Variants in ADGRL4 observed in about 807,000 individuals in gnomAD.
The protein encoded by ADGRL4 is adhesion G protein-coupled receptor L4, also known as EGF, latrophilin and seven transmembrane domain containing 1.
Under a neutral mutation model 74.8 loss-of-function variants are expected in ADGRL4, and 90 were observed. That is an observed-to-expected ratio of 1.20 (90% CI 1.02 to 1.43). The LOEUF (loss-of-function observed/expected upper bound fraction) is 1.43. Among genes scored for constraint, ADGRL4 ranks in the 40% most tolerant of loss-of-function variants. The pLI, the probability that ADGRL4 is intolerant of heterozygous loss-of-function variation, is 0.00. For synonymous variants in ADGRL4, 311 were observed against 279.2 expected, an observed-to-expected ratio of 1.11 and a Z score of -1.14; for missense variants, 881 against 814.3, an observed-to-expected ratio of 1.08 and a Z score of -1.00.
chr1:78,977,121 C>G (rs993635357), intron 2 of ADGRL4, among the ~76,000 whole-genome samples: 7 of 151,128 alleles, frequency 4.6e-5, no homozygotes, highest in African/African-American at 1.7e-4. Flanking sequence ...ATGCTTACAC[C>G]CTTGAGATAA....
intron 1 of ADGRL4, among the ~76,000 whole-genome samples, chr1:79,005,614 C>A (rs1236614720): frequency 2.0e-5 from 3 of 152,126 alleles, no homozygotes; most frequent in Non-Finnish European, 4.4e-5. Context: ...TGGGAGTAAT[C>A]CTGTGTAGAA....
chr1:78,934,974 A>T (rs1324882534), intron 7 of ADGRL4, among the ~76,000 whole-genome samples: 6 of 152,230 alleles, frequency 3.9e-5, no homozygotes, highest in Admixed American at 3.9e-4. Context: ...AATTAGTTCA[A>T]CCATTGTGGA....
At chr1:78,981,716 G>A (rs1265184409) in intron 2 of ADGRL4, among the ~76,000 whole-genome samples, 3 of 151,382 alleles carry the variant, frequency 2.0e-5, no homozygotes, top group African/African-American at 7.3e-5. Context: ...TTTATGTCTT[G>A]GTTTACCCCA....
At chr1:78,972,096 T>C (rs894084376) in intron 2 of ADGRL4, among the ~76,000 whole-genome samples, 1 of 152,198 alleles carries the variant, frequency 6.6e-6, no homozygotes, top group Non-Finnish European at 1.5e-5. Flanking sequence ...TATCCTAAAG[T>C]AGCACATGTA....
At chr1:78,929,859 A>T (rs571433403) in intron 7 of ADGRL4, among the ~76,000 whole-genome samples, 2 of 151,684 alleles carry the variant, frequency 1.3e-5, no homozygotes, top group East Asian at 1.9e-4. Context: ...TGACAATTTC[A>T]TCATCTGTCA....
At chr1:79,005,864 A>G (rs1461265603) in intron 1 of ADGRL4, among the ~76,000 whole-genome samples, 2 of 152,214 alleles carry the variant, frequency 1.3e-5, no homozygotes, top group Non-Finnish European at 2.9e-5. Flanking sequence ...CAAAAACAAA[A>G]AAAGAAACTC....
chr1:78,965,083 A>G (rs953149325), intron 2 of ADGRL4, among the ~76,000 whole-genome samples: 1 of 152,154 alleles, frequency 6.6e-6, no homozygotes, highest in African/African-American at 2.4e-5. Flanking sequence ...ACAGAAATGT[A>G]CCAAATTCAA....
chr1:79,005,834 G>A (rs890919652), intron 1 of ADGRL4, among the ~76,000 whole-genome samples: 10 of 151,346 alleles, frequency 6.6e-5, no homozygotes, highest in Non-Finnish European at 1.2e-4. Context: ...TTTTCCATTA[G>A]GGGAAATTTA....
chr1:78,947,607 G>A (rs1649630373), intron 2 of ADGRL4, among the ~76,000 whole-genome samples: 1 of 152,020 alleles, frequency 6.6e-6, no homozygotes, highest in Admixed American at 6.6e-5. Flanking sequence ...TTTTTTTATG[G>A]CAGCCCTAGA....
chr1:78,995,040 A>T (rs145534342), intron 2 of ADGRL4, among the ~76,000 whole-genome samples: 9 of 152,312 alleles, frequency 5.9e-5, no homozygotes, highest in African/African-American at 1.9e-4. Context: ...GTAATTATAA[A>T]ATCACATGAA....
In ADGRL4 at chr1:78,920,183, C is replaced by T. The variant is rs765084151; in HGVS notation, c.1461G>A (p.Lys487=). ...FLVGINTNTN[K]LFCSIIAGLL... is the part of the protein sequence containing the mutation. ...AATAGAGATTAGGATGCCTACATACCTTATTAGTATTTGTATTGATCCCAA... is the reference window on the plus strand; with the variant it reads ...AATAGAGATTAGGATGCCTACATACTTTATTAGTATTTGTATTGATCCCAA... The change falls in exon 10 of 15, where the codon AAG becomes AAA. Residue 487 remains lysine, a splice_region_variant and synonymous_variant. Transcript: ENST00000370742. 1.9e-6 allele frequency: 3 copies of T among 1,607,908 alleles called. No individual in the cohort carries two copies. Among genetic ancestry groups the T allele is most frequent in the Non-Finnish European group, 1.7e-6 (2 of 1,176,330 alleles).
chr1:78,920,312 T>C lies in ADGRL4; in HGVS notation c.1332A>G (p.Ile444Met). 6.2e-7 allele frequency: 1 copy of C among 1,611,044 alleles called. No individual in the cohort carries two copies. The highest frequency in any genetic ancestry group is 1.3e-5 in the African/African-American group (1 of 74,874). Residue 444 changes from isoleucine (I) to methionine (M), a missense_variant, in exon 10 of 15, where the codon ATA becomes ATG. By Grantham distance (10) the Ile-to-Met change is conservative. Transcript: ENST00000370742. ...TGAAGAACCAGAAGGTAAAAATGCA[T>C]ATGGCAAGACAAATCAGTGAAATAA... The part of the protein sequence containing the change: ...GIIISLICLA[I>M]CIFTFWFFSE...
At chr1:78,966,916 T>TTA (rs796953902) in intron 2 of ADGRL4, among the ~76,000 whole-genome samples, 2 of 146,318 alleles carry the variant, frequency 1.4e-5, no homozygotes, top group African/African-American at 5.0e-5. Context: ...CTAGGAATGA[T>TTA]AAAAAAAAAA....
At chr1:78,943,328 T>A (rs897082564) in intron 3 of ADGRL4, among the ~76,000 whole-genome samples, 5 of 152,202 alleles carry the variant, frequency 3.3e-5, no homozygotes, top group Non-Finnish European at 7.3e-5. Context: ...ATGCCTCAGC[T>A]TCCCCTTGTG....
intron 2 of ADGRL4, among the ~76,000 whole-genome samples, chr1:78,998,591 A>G (rs948283273): frequency 1.3e-5 from 2 of 152,058 alleles, no homozygotes; most frequent in Non-Finnish European, 2.9e-5. Context: ...GATGGTCGCT[A>G]TCTCGACATG....
At chr1:78,978,186 C>T (rs1650327420) in intron 2 of ADGRL4, among the ~76,000 whole-genome samples, 3 of 151,794 alleles carry the variant, frequency 2.0e-5, no homozygotes, top group Admixed American at 2.0e-4. Context: ...TTCCAGTTAC[C>T]TTTCAATTAA....
At chr1:78,898,102 G>A (rs1490943280) in intron 12 of ADGRL4, among the ~76,000 whole-genome samples, 1 of 151,928 alleles carries the variant, frequency 6.6e-6, no homozygotes, top group Admixed American at 6.6e-5. Context: ...TTAAAAAAAA[G>A]GATACCTCAA....
intron 12 of ADGRL4, among the ~76,000 whole-genome samples, chr1:78,899,183 C>T (rs1401747444): frequency 6.6e-6 from 1 of 152,100 alleles, no homozygotes; most frequent in Non-Finnish European, 1.5e-5. Flanking sequence ...GTCATAATCA[C>T]AATGTCTTTG....
chr1:78,965,646 C>T (rs1387388301), intron 2 of ADGRL4, among the ~76,000 whole-genome samples: 1 of 152,118 alleles, frequency 6.6e-6, no homozygotes, highest in East Asian at 1.9e-4. Context: ...TCCATTTTTA[C>T]CAATCTTTTA....
Sources: gnomAD v4.1 joint callset for allele counts (sites outside exome capture counted in the v4.1 genomes callset) on GRCh38, gnomAD v4.1.1 for gene constraint, MANE v1.5 for transcripts, NCBI Gene and HGNC (gene_info 2026-07-23, HGNC 2026-07-21) for gene names.